The following PTPRD variants were observed in gnomAD, a reference collection of about 807,000 sequenced individuals.
PTPRD encodes protein tyrosine phosphatase receptor type D.
In PTPRD, 34 loss-of-function variants were observed where a neutral mutation model predicts 214.5. The ratio of observed to expected loss-of-function variants is 0.16; its 90% CI spans 0.12 to 0.21. PTPRD has a LOEUF of 0.21. Ranked by LOEUF, PTPRD falls within the 10% of genes least tolerant of loss-of-function variation. The pLI, the probability that PTPRD is intolerant of heterozygous loss-of-function variation, is 1.00. For synonymous variants in PTPRD, 1,128 were observed against 845.7 expected (o/e 1.33, Z -5.79); for missense variants, 2,545 against 2,398.7 (o/e 1.06, Z -1.27).
chr9:8,638,177 T>A (rs2096489233), intron 12 of PTPRD, among the ~76,000 whole-genome samples: 1 of 151,882 alleles, frequency 6.6e-6, no homozygotes, highest in South Asian at 2.1e-4. Context: ...TCTACTTACA[T>A]GTCATTGAAA....
At chr9:9,792,124 A>T (rs78267037) in intron 5 of PTPRD, among the ~76,000 whole-genome samples, 3 of 4,282 alleles carry the variant, frequency 7.0e-4, no homozygotes, top group South Asian at 6.3e-3. Flanking sequence ...GACACTTTTT[A>T]AAAAAATCAC....
At chr9:9,029,242 C>CATTAT (rs1343528723) in intron 10 of PTPRD, among the ~76,000 whole-genome samples, 2 of 151,734 alleles carry the variant, frequency 1.3e-5, no homozygotes, top group African/African-American at 4.8e-5. Flanking sequence ...TTGCGACTTG[C>CATTAT]ATTATATTTC....
chr9:8,907,619 C>T (rs1202781924), intron 11 of PTPRD, among the ~76,000 whole-genome samples: 1 of 142,144 alleles, frequency 7.0e-6, no homozygotes, highest in Non-Finnish European at 1.5e-5. Flanking sequence ...CTATTAAAAA[C>T]AACTAGATGG....
At chr9:9,608,203 TC>T (rs1287358413) in intron 7 of PTPRD, among the ~76,000 whole-genome samples, 7 of 152,170 alleles carry the variant, frequency 4.6e-5, no homozygotes, top group Admixed American at 1.3e-4. Context: ...ACAATATAAT[TC>T]CTGACATGGT....
intron 12 of PTPRD, among the ~76,000 whole-genome samples, chr9:8,709,514 C>CAAAAAAA (rs758112672): frequency 4.5e-4 from 25 of 56,040 alleles, no homozygotes; most frequent in Admixed American, 8.1e-4. Context: ...GACTCCATCT[C>CAAAAAAA]AAAAAAAAAA....
chr9:8,688,121 A>C lies in PTPRD; in HGVS notation c.64+45659T>G, dbSNP rs1343829012. ...TCCACTTACTTGGCGAGTGATCAGT[A>C]ATTTACAATGCTGAATAAATGTATC... On this transcript the variant is annotated intron_variant, in intron 12 of 45. Coordinates refer to ENST00000381196, the MANE Select transcript of PTPRD (RefSeq NM_002839.4). Among the ~76,000 whole-genome samples the C allele has an allele frequency of 2.0e-5, 3 of 152,340 alleles. No individual in the cohort carries two copies. In the East Asian group the frequency reaches 5.8e-4, roughly 29 times the overall value.
At chr9:10,187,982 G>C (rs2099345724) in intron 3 of PTPRD, among the ~76,000 whole-genome samples, 2 of 152,230 alleles carry the variant, frequency 1.3e-5, no homozygotes, top group African/African-American at 2.4e-5. Context: ...AAATTATTTA[G>C]TTTGACATTG....
intron 7 of PTPRD, among the ~76,000 whole-genome samples, chr9:9,691,755 C>A (rs147693203): frequency 6.6e-6 from 1 of 151,968 alleles, no homozygotes; most frequent in African/African-American, 2.4e-5. Context: ...GTATACAAGG[C>A]TTCCCTTTTC....
At chr9:10,396,375 A>G (rs2098170661) in intron 2 of PTPRD, among the ~76,000 whole-genome samples, 1 of 151,968 alleles carries the variant, frequency 6.6e-6, no homozygotes, top group South Asian at 2.1e-4. Context: ...GCAATAGACC[A>G]TGTAATTCTT....
At chr9:9,649,850 T>TATGC (rs573789914) in intron 7 of PTPRD, among the ~76,000 whole-genome samples, 66 of 152,374 alleles carry the variant, frequency 4.3e-4, no homozygotes, top group Admixed American at 3.5e-3. Context: ...TTTTATAATT[T>TATGC]ATGCATCTTT....
At chr9:9,163,591 T>A (rs1433479368) in intron 10 of PTPRD, among the ~76,000 whole-genome samples, 1 of 152,094 alleles carries the variant, frequency 6.6e-6, no homozygotes, top group Non-Finnish European at 1.5e-5. Context: ...TCAAAATCTC[T>A]CTCCTGTAAT....
intron 8 of PTPRD, among the ~76,000 whole-genome samples, chr9:9,564,866 G>C (rs1272244117): frequency 7.5e-6 from 1 of 133,530 alleles, no homozygotes; most frequent in Non-Finnish European, 1.6e-5. Context: ...CTGAACAAAA[G>C]AGAGACTTGA....
intron 9 of PTPRD, among the ~76,000 whole-genome samples, chr9:9,244,464 G>T (rs1008800296): frequency 6.6e-6 from 1 of 152,054 alleles, no homozygotes; most frequent in African/African-American, 2.4e-5. Flanking sequence ...ACAGAACAGA[G>T]CCCTCAGAAA....
chr9:10,123,263 C>T (rs998695263), intron 3 of PTPRD, among the ~76,000 whole-genome samples: 3 of 152,154 alleles, frequency 2.0e-5, no homozygotes, highest in Admixed American at 1.3e-4. Flanking sequence ...CACCTTTAGA[C>T]CCAATAGACT....
intron 42 of PTPRD, among the ~76,000 whole-genome samples, chr9:8,340,052 T>A (rs181896342): frequency 6.6e-6 from 1 of 152,214 alleles, no homozygotes; most frequent in Admixed American, 6.5e-5. Flanking sequence ...AGTAAGAATA[T>A]GCTAAAAGAA....
At chr9:8,791,675 A>T (rs536741015) in intron 11 of PTPRD, among the ~76,000 whole-genome samples, 21 of 151,844 alleles carry the variant, frequency 1.4e-4, no homozygotes, top group Non-Finnish European at 2.8e-4. Flanking sequence ...AGCTACTATC[A>T]TGAGGGTTTG....
intron 8 of PTPRD, among the ~76,000 whole-genome samples, chr9:9,408,217 G>T (rs1269595330): frequency 6.6e-6 from 1 of 151,736 alleles, no homozygotes; most frequent in African/African-American, 2.4e-5. Context: ...CATTCTGACA[G>T]CAAAGGAAAT....
intron 8 of PTPRD, chr9:9,414,922 C>T (rs1394738411): frequency 1.3e-5 from 2 of 152,122 alleles, no homozygotes; most frequent in East Asian, 3.9e-4. Context: ...GGGCATATGA[C>T]GTATGTGATC....
chr9:8,746,087 C>G (rs1010849392), intron 11 of PTPRD, among the ~76,000 whole-genome samples: 2 of 150,844 alleles, frequency 1.3e-5, no homozygotes, highest in Admixed American at 6.6e-5. Context: ...AGCCACCATG[C>G]CCAATCGATT....
Sources: gnomAD v4.1 joint callset for allele counts (sites outside exome capture counted in the v4.1 genomes callset) on GRCh38, gnomAD v4.1.1 for gene constraint, MANE v1.5 for transcripts, NCBI Gene and HGNC (gene_info 2026-07-23, HGNC 2026-07-21) for gene names.